The following QRICH2 variants were observed in gnomAD, a reference collection of about 807,000 sequenced individuals.
The protein encoded by QRICH2 is glutamine-rich protein 2.
QRICH2 carries 119 observed loss-of-function variants against 168.3 expected under a neutral mutation model. The observed-to-expected ratio is 0.71, with a 90% CI of 0.61 to 0.82. The LOEUF is 0.82. Ranked by LOEUF, QRICH2 falls within the 40% of genes least tolerant of loss-of-function variation. The probability of loss-of-function intolerance (pLI) is 0.00; values close to 1 mark genes in which losing one functional copy is unlikely to be tolerated. For missense variants in QRICH2, 2,241 were observed against 2,491.6 expected (o/e 0.90, Z 2.14); for synonymous variants, 894 against 951.2 (o/e 0.94, Z 1.11).
chr17:76,287,329 G>A, intron 6 of QRICH2, 23 bp from the exon 7 acceptor site: 1 of 1,555,080 alleles, frequency 6.4e-7, no homozygotes, highest in Admixed American at 1.7e-5. Flanking sequence ...ATGAGAGACT[G>A]CCAGACTCCA....
At position 76,301,072 on chromosome 17, in the gene QRICH2, T is replaced by A. The variant is rs543057993; in HGVS notation, c.705+3343A>T. ...CTGTCTCAAAAATGCAAAATATTAG[T>A]CAGGTGTGGTGGCATGCACCTGTAG... On this transcript the variant is annotated intron_variant, in intron 3 of 18. Coordinates refer to ENST00000680821, the MANE Select transcript of QRICH2 (RefSeq NM_001388453.1). Among the ~76,000 whole-genome samples the A allele has an allele frequency of 3.4e-5, 5 of 148,698 alleles. 1 individual carries two copies. The highest frequency in any genetic ancestry group is 1.2e-4 in the African/African-American group (5 of 40,186).
At chr17:76,300,825 G>A (rs999905558) in intron 3 of QRICH2, among the ~76,000 whole-genome samples, 4 of 152,150 alleles carry the variant, frequency 2.6e-5, no homozygotes, top group Admixed American at 2.6e-4. Context: ...GCCAAGGCAG[G>A]CAGATCACCC....
Position 76,287,197 on chromosome 17 carries a change from C to T in QRICH2, c.4006G>A (p.Asp1336Asn), listed in dbSNP as rs1443709744. 3 of 1,610,672 alleles carry T rather than the reference C, an allele frequency of 1.9e-6. No homozygotes were observed. The highest frequency in any genetic ancestry group is 2.5e-6 in the Non-Finnish European group (3 of 1,176,872). The change falls in exon 7 of 19, where the codon GAC (aspartate) becomes AAC (asparagine). Residue 1336 changes from aspartate (D) to asparagine (N), a missense_variant. By Grantham distance (23) the Asp-to-Asn change is conservative. Around this residue, in one of 3 missense-constraint regions of QRICH2, gnomAD observed 2,047 missense variants for 2,303.8 expected, o/e 0.89. Transcript: ENST00000680821. ...AAAGAGTGGGGAATCCTCACCTGGT[C>T]CTGCAGGTAAAGGGAGGCTTCAGAG... is the stretch of plus-strand genomic sequence containing the variant. Reference protein sequence around the residue: ...SVSEASLYLQDQLDKLRMIIE... With the variant: ...SVSEASLYLQNQLDKLRMIIE...
chr17:76,294,092 C>T, intron 3 of QRICH2, 71 bp from the exon 4 acceptor site: 1 of 1,513,158 alleles, frequency 6.6e-7, no homozygotes, highest in South Asian at 1.3e-5. Flanking sequence ...GAAAGGAAAT[C>T]TGGAAGTTCT....
chr17:76,280,161 C>G lies in QRICH2; in HGVS notation c.4627-7G>C. 1.2e-6 allele frequency: 2 copies of G among 1,612,626 alleles called. No individual in the cohort carries two copies. Among genetic ancestry groups the G allele is most frequent in the Non-Finnish European group, 1.7e-6 (2 of 1,179,244 alleles). On this transcript the variant is annotated splice_region_variant and splice_polypyrimidine_tract_variant and intron_variant, in intron 11 of 18. Coordinates refer to ENST00000680821, the MANE Select transcript of QRICH2 (RefSeq NM_001388453.1). The surrounding 1 kb of genome is among the most constrained non-coding windows in gnomAD (Gnocchi z 7.4). ...CCAGCTCCAGGCGGTCCAGCTGTGG[C>G]GGGGAAAGAGGGGCCAGGGGACCTC...
rs79764665 is a variant in QRICH2 at position 76,305,860 on chromosome 17, C to T, written c.535-919G>A. ...TATAACTTTTGCAAACTTCTAGAATCTAAGATTACGTAAAAATTAAAACAA... is the reference window on the plus strand; with the variant it reads ...TATAACTTTTGCAAACTTCTAGAATTTAAGATTACGTAAAAATTAAAACAA... On this transcript the variant is annotated intron_variant, in intron 1 of 18. Transcript: ENST00000680821. Among the ~76,000 whole-genome samples, 303 of 152,164 alleles carry T rather than the reference C, an allele frequency of 2.0e-3. 2 individuals carry two copies. Among genetic ancestry groups the T allele is most frequent in the African/African-American group, 7.1e-3 (296 of 41,528 alleles).
intron 3 of QRICH2, among the ~76,000 whole-genome samples, chr17:76,299,468 G>A (rs1276838098): frequency 6.6e-6 from 1 of 152,118 alleles, no homozygotes; most frequent in East Asian, 1.9e-4. Flanking sequence ...CGGGCGCGGT[G>A]GCTCCAGCCT....
chr17:76,293,373 G>T lies in QRICH2; in HGVS notation c.1354C>A (p.Gln452Lys), dbSNP rs2071048219. 1 of 1,614,214 alleles carries T rather than the reference G, an allele frequency of 6.2e-7. No individual in the cohort carries two copies. The highest frequency in any genetic ancestry group is 1.3e-5 in the African/African-American group (1 of 75,064). The change falls in exon 4 of 19, where the codon CAG becomes AAG. Residue 452 changes from glutamine to lysine, a missense_variant. Physicochemically the swap from Gln to Lys is moderately conservative, Grantham distance 53. Coordinates refer to ENST00000680821, the MANE Select transcript of QRICH2 (RefSeq NM_001388453.1). ...GTGCTAGGTAGTTCCAATCCTTGCTGGTCTCTGCCAGGTACTGATGGTGGC... is the reference window on the plus strand; with the variant it reads ...GTGCTAGGTAGTTCCAATCCTTGCTTGTCTCTGCCAGGTACTGATGGTGGC... ...MLPPSVPGRDQQGLELPSTDQ... is the reference protein window; with the variant it reads ...MLPPSVPGRDKQGLELPSTDQ...
chr17:76,281,757 C>T lies in QRICH2; in HGVS notation c.4263+107G>A. On this transcript the variant is annotated intron_variant, in intron 8 of 18. Transcript: ENST00000680821. This position sits in a 1 kb window ranked among gnomAD's most constrained non-coding sequence, Gnocchi z 4.4. ...AAAGGGCTCCGCCACGGAGAGCTGA[C>T]CTTGAGGCCCAAACACCCGCCCCAC... 1 of 1,422,658 alleles carries T rather than the reference C, an allele frequency of 7.0e-7. No homozygotes were observed. The highest frequency in any genetic ancestry group is 9.7e-7 in the Non-Finnish European group (1 of 1,033,834). The allele number at this position is 1,422,658 out of a possible 1,614,324, so 88.1% of individuals were successfully genotyped here.
In QRICH2 at chr17:76,280,874, C is replaced by T. The variant is rs572555916; in HGVS notation, c.4343G>A (p.Ser1448Asn). The T allele has an allele frequency of 1.2e-6, 2 of 1,613,730 alleles. No individual in the cohort carries two copies. The highest frequency in any genetic ancestry group is 1.1e-5 in the South Asian group (1 of 91,084). Residue 1448 changes from serine (S) to asparagine (N), a missense_variant, in exon 9 of 19, where the codon AGC (serine) becomes AAC (asparagine). Transcript: ENST00000680821. This position sits in a 1 kb window ranked among gnomAD's most constrained non-coding sequence, Gnocchi z 7.4. ...CTGCCGATGGTCCTCGATGAGGTTG[C>T]TGGTGGTGATGTTGAGCTTCTCGCA... ...GDCEKLNITTSNLIEDHRQKQ... is the reference protein window; with the variant it reads ...GDCEKLNITTNNLIEDHRQKQ...
rs753106610 is a variant in QRICH2 at position 76,292,076 on chromosome 17, G to T, written c.2651C>A (p.Pro884His). 2 of 1,614,092 alleles carry T rather than the reference G, an allele frequency of 1.2e-6. No individual in the cohort carries two copies. The highest frequency in any genetic ancestry group is 1.7e-6 in the Non-Finnish European group (2 of 1,179,978). Residue 884 changes from proline to histidine, a missense_variant, in exon 4 of 19, where the codon CCT (proline) becomes CAT (histidine). Around this residue, in one of 3 missense-constraint regions of QRICH2, gnomAD observed 2,047 missense variants for 2,303.8 expected, o/e 0.89. Transcript: ENST00000680821. ...PGVDQRGLVQPGMDQRGLIQP... is the reference protein window; with the variant it reads ...PGVDQRGLVQHGMDQRGLIQP... Reference sequence around the variant, plus strand: ...GATCAAACCACGCTGGTCCATTCCAGGTTGGACCAAACCACGCTGATCCAC... The same window carrying T: ...GATCAAACCACGCTGGTCCATTCCATGTTGGACCAAACCACGCTGATCCAC...
intron 14 of QRICH2, among the ~76,000 whole-genome samples, chr17:76,278,637 C>T (rs543798707): frequency 6.6e-6 from 1 of 152,240 alleles, no homozygotes; most frequent in Admixed American, 6.5e-5. Context: ...CAGCCTCCTT[C>T]GTTGGCTGAG....
At chr17:76,277,854 C>T (rs909832035) in intron 15 of QRICH2, 135 bp downstream of exon 15, 10 of 937,700 alleles carry the variant, frequency 1.1e-5, no homozygotes, top group Admixed American at 6.2e-5. Flanking sequence ...CCCTCGCCCA[C>T]ACTTTCTCTC....
At chr17:76,299,812 T>C (rs1432593382) in intron 3 of QRICH2, among the ~76,000 whole-genome samples, 1 of 151,650 alleles carries the variant, frequency 6.6e-6, no homozygotes, top group Non-Finnish European at 1.5e-5. Flanking sequence ...GCCTCCACTT[T>C]CACTTTTTTA....
Position 76,293,499 on chromosome 17 carries a change from G to C in QRICH2, c.1228C>G (p.His410Asp). 2.5e-6 allele frequency: 4 copies of C among 1,614,212 alleles called. No individual in the cohort carries two copies. Among genetic ancestry groups the C allele is most frequent in the Non-Finnish European group, 3.4e-6 (4 of 1,180,040 alleles). The change falls in exon 4 of 19, where the codon CAT becomes GAT. Residue 410 changes from histidine to aspartate, a missense_variant. This residue lies in a region of QRICH2 where 2,047 missense variants were observed against 2,303.8 expected (regional missense o/e 0.89). Coordinates refer to ENST00000680821, the MANE Select transcript of QRICH2 (RefSeq NM_001388453.1). ...PGLVPASTYP[H>D]GVVPLSMGQL... ...CCCATGCTGAGGGGTACCACACCAT[G>C]TGGGTAAGTGCTAGCAGGCACTAAT... is the stretch of plus-strand genomic sequence containing the variant.
upstream of QRICH2, chr17:76,309,348 T>C (rs1269091750): frequency 1.4e-5 from 2 of 140,500 alleles, no homozygotes; most frequent in East Asian, 4.1e-4. Flanking sequence ...AGTGCAAGAC[T>C]CTGTCTCAAA....
chr17:76,274,148 G>A lies in QRICH2; in HGVS notation c.5595C>T (p.His1865=), dbSNP rs773668596. Residue 1865 remains histidine (H), a synonymous_variant, in exon 19 of 19, where the codon CAC becomes CAT. Coordinates refer to ENST00000680821, the MANE Select transcript of QRICH2 (RefSeq NM_001388453.1). The part of the protein sequence containing the change: ...AAVANRGLER[H]VDMPPGEGLE... Reference sequence around the variant, plus strand: ...GCCCCTCCCCAGGAGGCATGTCCACGTGCCTCTCCAGCCCCCTGTTTGCCA... The same window carrying A: ...GCCCCTCCCCAGGAGGCATGTCCACATGCCTCTCCAGCCCCCTGTTTGCCA... 5.0e-6 allele frequency: 8 copies of A among 1,587,978 alleles called. No homozygotes were observed. In the Admixed American group the frequency reaches 1.1e-4, roughly 23 times the overall value.
At chr17:76,304,556 AC>A (rs2070959455) in intron 2 of QRICH2, 31 bp from the exon 3 acceptor site, 3 of 1,469,128 alleles carry the variant, frequency 2.0e-6, no homozygotes, top group Non-Finnish European at 2.8e-6. Flanking sequence ...ACACACATAC[AC>A]CCCTTGATTA....
At chr17:76,305,805 TAATA>T (rs1282931813) in intron 1 of QRICH2, among the ~76,000 whole-genome samples, 2 of 152,218 alleles carry the variant, frequency 1.3e-5, no homozygotes, top group Non-Finnish European at 2.9e-5. Context: ...AAAAATATAT[TAATA>T]AACAAAAATA....
Sources: gnomAD v4.1 joint callset for allele counts (sites outside exome capture counted in the v4.1 genomes callset) on GRCh38, gnomAD v4.1.1 for gene constraint, gnomAD v4.1.1 regional missense constraint, Gnocchi (gnomAD v3.1) non-coding constraint, MANE v1.5 for transcripts, NCBI Gene and HGNC (gene_info 2026-07-23, HGNC 2026-07-21) for gene names.